The following NUP58 variants were observed in gnomAD, a reference collection of about 807,000 sequenced individuals.
NUP58 encodes the protein nucleoporin 58.
In NUP58, 17 loss-of-function variants were observed where a neutral mutation model predicts 70.1. The ratio of observed to expected loss-of-function variants is 0.24; its 90% CI spans 0.17 to 0.36. NUP58 has a LOEUF of 0.36. NUP58 is among the 10% of genes least tolerant of loss of function. The probability of loss-of-function intolerance (pLI) is 1.00; values close to 1 mark genes in which losing one functional copy is unlikely to be tolerated. For missense variants in NUP58, 644 were observed against 701.5 expected (o/e 0.92, Z 0.93); for synonymous variants, 275 against 257.6 (o/e 1.07, Z -0.65).
At chr13:25,329,097 CTA>C (rs1189205555) in intron 12 of NUP58, among the ~76,000 whole-genome samples, 2 of 152,038 alleles carry the variant, frequency 1.3e-5, no homozygotes, top group Non-Finnish European at 2.9e-5. Flanking sequence ...TAAAAAAATT[CTA>C]TTAGTCTATA....
At chr13:25,337,123 C>T (rs1593201484) in intron 14 of NUP58, 89 bp downstream of exon 14, 1 of 755,756 alleles carries the variant, frequency 1.3e-6, no homozygotes, top group Non-Finnish European at 2.0e-6. Context: ...AGAGAATCTC[C>T]TGCTATTTTG....
intron 1 of NUP58, among the ~76,000 whole-genome samples, chr13:25,305,499 C>G (rs537164959): frequency 6.6e-6 from 1 of 152,138 alleles, no homozygotes; most frequent in South Asian, 2.1e-4. Context: ...TTAGCGAGAG[C>G]TTACCGCCCT....
intron 5 of NUP58, 25 bp from the exon 6 acceptor site, chr13:25,315,331 AT>A (rs1215627381): frequency 6.6e-7 from 1 of 1,519,248 alleles, no homozygotes; most frequent in Non-Finnish European, 9.1e-7. Context: ...TTTTGATGGA[AT>A]TTATAAGTTA....
chr13:25,335,321 G>A (rs187787552), intron 13 of NUP58: 1 of 985,338 alleles, frequency 1.0e-6, no homozygotes, highest in East Asian at 1.1e-4. Flanking sequence ...TGCTATTTGA[G>A]TAACTCTTAC....
chr13:25,344,113 A>AC (rs571382150), downstream of NUP58, among the ~76,000 whole-genome samples: 101 of 152,184 alleles, frequency 6.6e-4, no homozygotes, highest in African/African-American at 2.3e-3. Context: ...CAACCTTTTT[A>AC]ATATGTATCA....
intron 3 of NUP58, among the ~76,000 whole-genome samples, chr13:25,348,906 TG>T (rs1442294059): frequency 6.6e-6 from 1 of 152,200 alleles, no homozygotes; most frequent in Non-Finnish European, 1.5e-5. Flanking sequence ...CCTCATAGTC[TG>T]GCCTCTACTT....
At chr13:25,343,826 T>TATATATATATAC (rs1491561346), downstream of NUP58, among the ~76,000 whole-genome samples, 25 of 127,566 alleles carry the variant, frequency 2.0e-4, no homozygotes, top group East Asian at 5.2e-3. Flanking sequence ...TATATATATA[T>TATATATATATAC]ACACATATAT....
chr13:25,339,514 G>A (rs2031890962), intron 15 of NUP58, among the ~76,000 whole-genome samples: 1 of 152,184 alleles, frequency 6.6e-6, no homozygotes, highest in Non-Finnish European at 1.5e-5. Context: ...AAAACAGTAA[G>A]TACTGCTCTT....
chr13:25,332,339 G>T (rs551731950), intron 13 of NUP58: 1 of 985,380 alleles, frequency 1.0e-6, no homozygotes, highest in African/African-American at 1.7e-5. Flanking sequence ...ATTTGGTCCT[G>T]TGTCTTTCGG....
At chr13:25,318,991 T>C (rs968789885) in intron 6 of NUP58, among the ~76,000 whole-genome samples, 3 of 152,224 alleles carry the variant, frequency 2.0e-5, no homozygotes, top group Non-Finnish European at 4.4e-5. Flanking sequence ...CTTGAAAGTA[T>C]ATGTACATCT....
intron 8 of NUP58, 59 bp downstream of exon 8, chr13:25,320,654 G>A (rs899665232): frequency 3.2e-5 from 40 of 1,247,992 alleles, no homozygotes; most frequent in African/African-American, 4.5e-5. Context: ...TACTTCTTAA[G>A]GGGAGCATCT....
At position 25,301,754 on chromosome 13, in the gene NUP58, G is replaced by T. The variant is rs542771163; in HGVS notation, c.-20G>T. 6.7e-5 allele frequency: 104 copies of T among 1,542,854 alleles called. No individual in the cohort carries two copies. The highest frequency in any genetic ancestry group is 3.4e-4 in the Middle Eastern group (2 of 5,872). ...CCAGACCCATTTCGCCTTGCTGACG[G>T]CGTCGAGCCCTGGCCAGACATGTCC... On this transcript the variant is annotated 5_prime_UTR_variant, in exon 1 of 16. Transcript: ENST00000381736.
intron 6 of NUP58, among the ~76,000 whole-genome samples, chr13:25,316,690 A>G (rs756832791): frequency 3.3e-4 from 51 of 152,268 alleles, no homozygotes; most frequent in Middle Eastern, 6.8e-3. Flanking sequence ...GCTTGGTACC[A>G]CTTCTATTAC....
At position 25,302,911 on chromosome 13, in the gene NUP58, T is replaced by C. The variant is rs557188710; in HGVS notation, c.107+1031T>C. On this transcript the variant is annotated intron_variant, in intron 1 of 15. Transcript: ENST00000381736. ...ATAATGTTACTTCTGCCATTTCTGT[T>C]TGTCTTTATTTCCAGTTCCACAACC... 1.4e-3 allele frequency: 636 copies of C among 453,340 alleles called. 4 individuals are homozygous for C. Among genetic ancestry groups the C allele is most frequent in the South Asian group, 9.7e-3 (618 of 63,472 alleles). 28.1% of individuals were successfully genotyped at this position (453,340 alleles called of 1,614,324 possible).
downstream of NUP58, among the ~76,000 whole-genome samples, chr13:25,342,837 CTTT>C (rs1490624849): frequency 6.6e-6 from 1 of 151,886 alleles, no homozygotes; most frequent in South Asian, 2.1e-4. Context: ...TCCCTCTTTA[CTTT>C]TTTAACAAAT....
At chr13:25,342,724 T>C (rs1184611847), downstream of NUP58, among the ~76,000 whole-genome samples, 11 of 152,180 alleles carry the variant, frequency 7.2e-5, no homozygotes, top group Non-Finnish European at 2.9e-5. Flanking sequence ...TGTATCCTTG[T>C]AGACCCTTTT....
chr13:25,323,599 T>C (rs2031277865), intron 9 of NUP58, among the ~76,000 whole-genome samples: 1 of 152,168 alleles, frequency 6.6e-6, no homozygotes. Context: ...AAACCTTTTC[T>C]TCAAAGAAAG....
intron 8 of NUP58, 58 bp downstream of exon 8, chr13:25,320,653 A>G: frequency 7.9e-7 from 1 of 1,258,476 alleles, no homozygotes; most frequent in Admixed American, 1.9e-5. Flanking sequence ...ATACTTCTTA[A>G]GGGGAGCATC....
chr13:25,312,901 C>T lies in NUP58; in HGVS notation c.305C>T (p.Ser102Phe). Residue 102 changes from serine to phenylalanine, a missense_variant, in exon 4 of 16, where the codon TCT becomes TTT. Physicochemically the swap from Ser to Phe is radical, Grantham distance 155. This residue lies in a region of NUP58 where 430 missense variants were observed against 409.2 expected (regional missense o/e 1.05). Coordinates refer to ENST00000381736, the MANE Select transcript of NUP58 (RefSeq NM_014089.4). ...GLTLGTPATT[S>F]AATTGFSLGF... ...TAAATAGGAACGCCAGCCACTACAT[C>T]TGCAGCTACAACAGGCTTCAGTTTA... 6.2e-7 allele frequency: 1 copy of T among 1,612,460 alleles called. No individual in the cohort carries two copies. Among genetic ancestry groups the T allele is most frequent in the Non-Finnish European group, 8.5e-7 (1 of 1,179,182 alleles).
Sources: gnomAD v4.1 joint callset for allele counts (sites outside exome capture counted in the v4.1 genomes callset) on GRCh38, gnomAD v4.1.1 for gene constraint, gnomAD v4.1.1 regional missense constraint, MANE v1.5 for transcripts, NCBI Gene and HGNC (gene_info 2026-07-23, HGNC 2026-07-21) for gene names.